RANBP9: variants seen among roughly 807,000 people sequenced by gnomAD.
RANBP9 encodes ran-binding protein 9.
Under a neutral mutation model 84.3 loss-of-function variants are expected in RANBP9, and 15 were observed. The ratio of observed to expected loss-of-function variants is 0.18; its 90% CI spans 0.12 to 0.27. The LOEUF (loss-of-function observed/expected upper bound fraction) is 0.27, where lower values mean the gene tolerates loss of function less well. RANBP9 is among the 10% of genes least tolerant of loss of function. RANBP9 has a pLI of 1.00. For missense variants in RANBP9, 809 were observed against 912.8 expected (o/e 0.89, Z 1.46); for synonymous variants, 392 against 349.6 (o/e 1.12, Z -1.35).
chr6:13,637,929 T>C lies in RANBP9; in HGVS notation c.1552A>G (p.Ile518Val), dbSNP rs1280565187. 6.2e-7 allele frequency: 1 copy of C among 1,603,282 alleles called. No individual in the cohort carries two copies. Among genetic ancestry groups the C allele is most frequent in the Non-Finnish European group, 8.5e-7 (1 of 1,176,072 alleles). Residue 518 changes from isoleucine (I) to valine (V), a missense_variant, in exon 10 of 14, where the codon ATA becomes GTA. Physicochemically the swap from Ile to Val is conservative, Grantham distance 29 (BLOSUM62 3). Transcript: ENST00000011619. ...SGFESCSNGV[I>V]SNKAHQSYCH... ...TATGATTGATGTGCTTTATTTGATA[T>C]TACACCATTACTACAACTTTCAAAA...
At chr6:13,631,936 T>C (rs919750735) in intron 12 of RANBP9, among the ~76,000 whole-genome samples, 25 of 152,128 alleles carry the variant, frequency 1.6e-4, no homozygotes, top group African/African-American at 5.8e-4. Flanking sequence ...CCATGTGTTA[T>C]ACATCCAAAA....
At chr6:13,629,245 G>A (rs1264198377) in intron 12 of RANBP9, among the ~76,000 whole-genome samples, 2 of 152,160 alleles carry the variant, frequency 1.3e-5, no homozygotes, top group East Asian at 3.9e-4. Flanking sequence ...CAAAGTGTTG[G>A]GATTACAGAT....
chr6:13,690,472 A>T (rs1766297194), intron 2 of RANBP9, among the ~76,000 whole-genome samples: 1 of 152,188 alleles, frequency 6.6e-6, no homozygotes, highest in South Asian at 2.1e-4. Flanking sequence ...GCCAAGAAAT[A>T]AACTAGAAAG....
chr6:13,672,414 T>A (rs528541002), intron 2 of RANBP9, among the ~76,000 whole-genome samples: 2 of 151,960 alleles, frequency 1.3e-5, no homozygotes, highest in Non-Finnish European at 2.9e-5. Flanking sequence ...TTACAAGAAA[T>A]AGACTTTTTT....
intron 10 of RANBP9, among the ~76,000 whole-genome samples, chr6:13,637,290 C>G (rs930196192): frequency 6.6e-6 from 1 of 152,188 alleles, no homozygotes; most frequent in Admixed American, 6.5e-5. Context: ...ACTTAACCAT[C>G]TGCTATATGC....
chr6:13,677,102 A>C (rs1353213776), intron 2 of RANBP9, among the ~76,000 whole-genome samples: 1 of 152,204 alleles, frequency 6.6e-6, no homozygotes. Flanking sequence ...TTGTTTATGC[A>C]GACAACATCA....
At position 13,665,052 on chromosome 6, in the gene RANBP9, C is replaced by T. The variant is rs549083579; in HGVS notation, c.684-6220G>A. On this transcript the variant is annotated intron_variant, in intron 2 of 13. Transcript: ENST00000011619. The stretch of plus-strand genomic sequence containing the variant: ...GAACAAATAGTAAAAAGATAACTGA[C>T]ATCCATGTGGAAAAAAGTAAGCCTT... Among the ~76,000 whole-genome samples the T allele has an allele frequency of 3.3e-5, 5 of 152,220 alleles. No homozygotes were observed. In the South Asian group the frequency reaches 1.0e-3, roughly 32 times the overall value.
intron 3 of RANBP9, 97 bp from the exon 4 acceptor site, chr6:13,657,373 TAATATA>T: frequency 2.1e-6 from 2 of 940,976 alleles, no homozygotes; most frequent in Non-Finnish European, 3.0e-6. Context: ...CAGTACAAGA[TAATATA>T]AAGATGAAAT....
At chr6:13,660,446 C>A (rs562856656) in intron 2 of RANBP9, among the ~76,000 whole-genome samples, 1 of 152,194 alleles carries the variant, frequency 6.6e-6, no homozygotes, top group South Asian at 2.1e-4. Context: ...GAGGTTGAGG[C>A]TGCAGTGAGA....
intron 2 of RANBP9, among the ~76,000 whole-genome samples, chr6:13,666,980 G>A (rs1437709581): frequency 6.6e-6 from 1 of 152,102 alleles, no homozygotes; most frequent in East Asian, 1.9e-4. Flanking sequence ...AAACTGAATA[G>A]CTGGTAGATA....
At chr6:13,679,056 TAAAA>T (rs540561401) in intron 2 of RANBP9, among the ~76,000 whole-genome samples, 5 of 150,412 alleles carry the variant, frequency 3.3e-5, no homozygotes, top group Non-Finnish European at 5.9e-5. Context: ...CTGCTGTGAT[TAAAA>T]AAAAAATTTG....
At chr6:13,653,154 TA>T (rs1194687752) in intron 4 of RANBP9, among the ~76,000 whole-genome samples, 3 of 152,194 alleles carry the variant, frequency 2.0e-5, no homozygotes, top group African/African-American at 7.2e-5. Context: ...AAATACAGTA[TA>T]TTTTTGCTTC....
At chr6:13,630,599 C>CA (rs1764751216) in intron 12 of RANBP9, among the ~76,000 whole-genome samples, 1 of 151,824 alleles carries the variant, frequency 6.6e-6, no homozygotes, top group Non-Finnish European at 1.5e-5. Flanking sequence ...CACCTGGGTC[C>CA]AAAAACCTTT....
chr6:13,630,749 T>C (rs1016890240), intron 12 of RANBP9, among the ~76,000 whole-genome samples: 4 of 152,174 alleles, frequency 2.6e-5, no homozygotes. Context: ...CTAAAGGCAG[T>C]CTGGTCTGTA....
rs115371012 is a variant in RANBP9 at position 13,632,882 on chromosome 6, A to T, written c.1796-361T>A. On this transcript the variant is annotated intron_variant, in intron 11 of 13. Coordinates refer to ENST00000011619, the MANE Select transcript of RANBP9 (RefSeq NM_005493.3). The stretch of plus-strand genomic sequence containing the variant: ...AGGAAAACTGTTAATAATGCCACTC[A>T]GGCTGCCTTAACTGACGTAGTAGAG... The T allele has an allele frequency of 5.2e-3, 857 of 163,774 alleles. 13 individuals carry two copies. The highest frequency in any genetic ancestry group is 0.02 in the African/African-American group (817 of 41,676). 10.1% of individuals were successfully genotyped at this position (163,774 alleles called of 1,614,324 possible). A position where few individuals can be genotyped will look rare whatever the true frequency, so the allele number is the denominator to read the frequency against.
chr6:13,684,728 C>G (rs1413612519), intron 2 of RANBP9, among the ~76,000 whole-genome samples: 1 of 152,142 alleles, frequency 6.6e-6, no homozygotes, highest in South Asian at 2.1e-4. Flanking sequence ...AAGGGATACT[C>G]TAACGGGTAG....
At chr6:13,627,466 C>T (rs891681382) in intron 12 of RANBP9, among the ~76,000 whole-genome samples, 1 of 151,682 alleles carries the variant, frequency 6.6e-6, no homozygotes, top group Non-Finnish European at 1.5e-5. Context: ...CCCATCTCCA[C>T]TAAAAATACA....
chr6:13,656,668 T>C (rs1765407818), intron 4 of RANBP9, among the ~76,000 whole-genome samples: 1 of 152,176 alleles, frequency 6.6e-6, no homozygotes. Context: ...GATCTGACCT[T>C]TGAGTGTGTT....
intron 2 of RANBP9, among the ~76,000 whole-genome samples, chr6:13,668,859 CA>C (rs1460885571): frequency 3.3e-5 from 5 of 152,036 alleles, no homozygotes; most frequent in African/African-American, 1.2e-4. Context: ...CACTTCTATT[CA>C]ACATAGTACT....
Sources: allele counts gnomAD v4.1 joint callset (sites outside exome capture counted in the v4.1 genomes callset), GRCh38; gene constraint gnomAD v4.1.1; transcripts MANE v1.5; gene names NCBI Gene and HGNC (gene_info 2026-07-23, HGNC 2026-07-21).